The following NLRC3 variants were observed in gnomAD, a reference collection of about 807,000 sequenced individuals.
NLRC3 encodes NLR family CARD domain containing 3, also known as NLR family CARD domain-containing protein 3.
Under a neutral mutation model 91.6 loss-of-function variants are expected in NLRC3, and 87 were observed. The observed-to-expected ratio is 0.95, with a 90% CI of 0.80 to 1.14. The LOEUF is 1.14. Among genes scored for constraint, NLRC3 ranks in the 50% most tolerant of loss-of-function variants. The pLI is 0.00. For missense variants in NLRC3, 1,577 were observed against 1,418.6 expected (o/e 1.11, Z -1.79); for synonymous variants, 694 against 625.3 (o/e 1.11, Z -1.64).
Position 3,564,021 on chromosome 16 carries a change from G to C in NLRC3, c.916C>G (p.Gln306Glu), listed in dbSNP as rs779068100. ...VCLEQMFPED[Q>E]ALLGWMLSQV... Reference sequence around the variant, plus strand: ...CTCAGCATCCAGCCCAGAAGGGCCTGGTCCTCGGGGAACATCTGCTCCAAA... The same window carrying C: ...CTCAGCATCCAGCCCAGAAGGGCCTCGTCCTCGGGGAACATCTGCTCCAAA... The change falls in exon 5 of 20, where the codon CAG becomes GAG. Residue 306 changes from glutamine (Q) to glutamate (E), a missense_variant. Transcript: ENST00000359128. The surrounding 1 kb of genome is among the most constrained non-coding windows in gnomAD (Gnocchi z 5.9). The C allele has an allele frequency of 1.2e-6, 2 of 1,610,380 alleles. No homozygotes were observed. The highest frequency in any genetic ancestry group is 2.2e-5 in the South Asian group (2 of 91,088).
At position 3,541,673 on chromosome 16, in the gene NLRC3, C is replaced by T. The variant is rs1004915881; in HGVS notation, c.*152G>A. 10 of 622,846 alleles carry T rather than the reference C, an allele frequency of 1.6e-5. No individual in the cohort carries two copies. The highest frequency in any genetic ancestry group is 5.5e-5 in the African/African-American group (3 of 54,488). The allele number at this position is 622,846 out of a possible 1,614,324, so 38.6% of individuals were successfully genotyped here. A position where few individuals can be genotyped will look rare whatever the true frequency, so the allele number is the denominator to read the frequency against. On this transcript the variant is annotated 3_prime_UTR_variant, in exon 20 of 20. Coordinates refer to ENST00000359128, the MANE Select transcript of NLRC3 (RefSeq NM_178844.4). Reference sequence around the variant, plus strand: ...CAGAAGAGGAGCTCACGACCTCCTCCGGCAGCACCTCTCCTTCCTCCCTGC... The same window carrying T: ...CAGAAGAGGAGCTCACGACCTCCTCTGGCAGCACCTCTCCTTCCTCCCTGC...
chr16:3,547,822 C>T lies in NLRC3; in HGVS notation c.2771+313G>A, dbSNP rs561143932. On this transcript the variant is annotated intron_variant, in intron 15 of 19. Transcript: ENST00000359128. ...TAGCTGGGATTACAGGCATGTGCCA[C>T]CATGCCCGGCTAATTTTTGTATTTA... Among the ~76,000 whole-genome samples, 3 of 152,214 alleles carry T rather than the reference C, an allele frequency of 2.0e-5. No homozygotes were observed. The East Asian group carries it at 5.8e-4, about 29-fold the overall frequency.
At chr16:3,546,006 G>C (rs1037673740) in intron 15 of NLRC3, among the ~76,000 whole-genome samples, 6 of 152,166 alleles carry the variant, frequency 3.9e-5, no homozygotes, top group Non-Finnish European at 7.4e-5. Context: ...GAGGTGAGTG[G>C]TGCCGATGGC....
intron 6 of NLRC3, among the ~76,000 whole-genome samples, chr16:3,558,206 G>A (rs2039440947): frequency 6.6e-6 from 1 of 152,050 alleles, no homozygotes; most frequent in South Asian, 2.1e-4. Context: ...GTCAGGTGGC[G>A]CACCTGTAGT....
chr16:3,562,850 C>T lies in NLRC3; in HGVS notation c.1928+159G>A, dbSNP rs151315590. 9.5e-5 allele frequency: 71 copies of T among 750,644 alleles called. 1 individual carries two copies. The Middle Eastern group carries it at 1.4e-3, about 14-fold the overall frequency. 46.5% of individuals were successfully genotyped at this position (750,644 alleles called of 1,614,324 possible). ...TTGAGACTTCTGGCCTCCAGAACTG[C>T]GAGAAAACACACTTTAGTTGTTTTA... On this transcript the variant is annotated intron_variant, in intron 5 of 19. Transcript: ENST00000359128.
intron 1 of NLRC3, among the ~76,000 whole-genome samples, chr16:3,576,195 C>G (rs1334704823): frequency 6.6e-6 from 1 of 152,198 alleles, no homozygotes; most frequent in Non-Finnish European, 1.5e-5. Context: ...AACACCAGGG[C>G]CTCTGGAGCC....
chr16:3,548,217 G>A lies in NLRC3; in HGVS notation c.2689C>T (p.Leu897=), dbSNP rs2038800380. The change falls in exon 15 of 20, where the codon CTG becomes TTG. Residue 897 remains leucine, a splice_region_variant and synonymous_variant. Transcript: ENST00000359128. ...CCGGCCTGGATGAAGTTCCACTGCA[G>A]GCTGGGCAGACACAGACACATGTGA... ...RENRTLTSLH[L]QWNFIQAGAA... 1 of 1,589,284 alleles carries A rather than the reference G, an allele frequency of 6.3e-7. No individual in the cohort carries two copies. The highest frequency in any genetic ancestry group is 8.6e-7 in the Non-Finnish European group (1 of 1,167,954).
chr16:3,552,328 T>C (rs745557222), intron 9 of NLRC3, 49 bp from the exon 10 acceptor site: 1 of 1,365,384 alleles, frequency 7.3e-7, no homozygotes, highest in Non-Finnish European at 1.0e-6. Context: ...TCACAGCCAT[T>C]CCCAGGCCAA....
Position 3,544,189 on chromosome 16 carries a change from C to T in NLRC3, c.2855+57G>A, listed in dbSNP as rs1470606357. ...AAAAAAAAAAAAAAAAGACCTCTAA[C>T]GTGAAAGGATGGCGAAGGGACCGGT... On this transcript the variant is annotated intron_variant, in intron 16 of 19. Transcript: ENST00000359128. The T allele has an allele frequency of 2.6e-5, 26 of 997,634 alleles. No individual in the cohort carries two copies. In the East Asian group the frequency reaches 3.2e-4, roughly 12 times the overall value. 61.8% of individuals were successfully genotyped at this position (997,634 alleles called of 1,614,324 possible).
intron 1 of NLRC3, among the ~76,000 whole-genome samples, chr16:3,576,276 C>A (rs2040288302): frequency 6.6e-6 from 1 of 152,204 alleles, no homozygotes; most frequent in Non-Finnish European, 1.5e-5. Flanking sequence ...TCCGAGAAGG[C>A]CTCTGCGGTT....
intron 13 of NLRC3, among the ~76,000 whole-genome samples, 180 bp downstream of exon 13, chr16:3,548,962 G>C (rs1456047474): frequency 6.6e-6 from 1 of 152,212 alleles, no homozygotes; most frequent in East Asian, 1.9e-4. Context: ...TCACCCTCGT[G>C]CAGTTTACAC....
intron 1 of NLRC3, among the ~76,000 whole-genome samples, chr16:3,570,470 G>T (rs2040061094): frequency 6.6e-6 from 1 of 152,180 alleles, no homozygotes; most frequent in South Asian, 2.1e-4. Flanking sequence ...ACGGGTAAGG[G>T]ATAATGGCAA....
chr16:3,557,596 A>G lies in NLRC3; in HGVS notation c.2096T>C (p.Leu699Pro). ...GGCCTTGGTTGTCCTTACTTACTCC[A>G]GAGAGGTCAGACTTCTGTTGACCAA... ...SLLVNRSLTS[L>P]DLRGNSIGPQ... The change falls in exon 7 of 20, where the codon CTG (leucine) becomes CCG (proline). Residue 699 changes from leucine to proline, a missense_variant. Transcript: ENST00000359128. The G allele has an allele frequency of 1.9e-6, 3 of 1,608,952 alleles. No homozygotes were observed. Among genetic ancestry groups the G allele is most frequent in the Non-Finnish European group, 2.6e-6 (3 of 1,175,476 alleles).
intron 11 of NLRC3, 101 bp from the exon 12 acceptor site, chr16:3,549,881 T>C: frequency 1.3e-6 from 1 of 742,914 alleles, no homozygotes; most frequent in South Asian, 1.7e-5. Flanking sequence ...AACAGGGAGT[T>C]GGGGGCTCCA....
At chr16:3,543,940 A>T (rs1400221621) in intron 16 of NLRC3, 5 of 365,472 alleles carry the variant, frequency 1.4e-5, no homozygotes. Flanking sequence ...GATCACCTGA[A>T]GTCAGGAGTT....
At chr16:3,571,679 C>T (rs933630903) in intron 1 of NLRC3, among the ~76,000 whole-genome samples, 8 of 151,640 alleles carry the variant, frequency 5.3e-5, no homozygotes, top group African/African-American at 7.3e-5. Context: ...TGGTGGCTCA[C>T]GCCTGTAATC....
In NLRC3 at chr16:3,553,414, C is replaced by T. The variant is rs953669226; in HGVS notation, c.2267+828G>A. Among the ~76,000 whole-genome samples, 8 of 152,172 alleles carry T rather than the reference C, an allele frequency of 5.3e-5. No individual in the cohort carries two copies. The South Asian group carries it at 1.0e-3, about 20-fold the overall frequency. ...CTGGCTTGAAGCTCTAAAGTACCTG[C>T]GTGTCATAGAGATAAAAGCTTTACT... On this transcript the variant is annotated intron_variant, in intron 9 of 19. Transcript: ENST00000359128.
chr16:3,564,319 C>T lies in NLRC3; in HGVS notation c.618G>A (p.Leu206=). 1 of 1,611,708 alleles carries T rather than the reference C, an allele frequency of 6.2e-7. No homozygotes were observed. Among genetic ancestry groups the T allele is most frequent in the Non-Finnish European group, 8.5e-7 (1 of 1,179,630 alleles). The stretch of plus-strand genomic sequence containing the variant: ...GGGCCCTGGCTGGGACTGCCACCGC[C>T]AGGCTGGGCTCCCCGACGTGCGGGA... The part of the protein sequence containing the change: ...SVFPHVGEPS[L]AVAVPARALL... Residue 206 remains leucine (L), a synonymous_variant, in exon 5 of 20, where the codon CTG becomes CTA. Coordinates refer to ENST00000359128, the MANE Select transcript of NLRC3 (RefSeq NM_178844.4). The surrounding 1 kb of genome is among the most constrained non-coding windows in gnomAD (Gnocchi z 5.9).
chr16:3,554,953 G>C (rs888490839), intron 8 of NLRC3, among the ~76,000 whole-genome samples: 17 of 152,132 alleles, frequency 1.1e-4, no homozygotes, highest in Non-Finnish European at 1.8e-4. Context: ...GAAGAGGCTG[G>C]GTACAGTGGC....
Sources: gnomAD v4.1 joint callset for allele counts (sites outside exome capture counted in the v4.1 genomes callset) on GRCh38, gnomAD v4.1.1 for gene constraint, Gnocchi (gnomAD v3.1) non-coding constraint, MANE v1.5 for transcripts, NCBI Gene and HGNC (gene_info 2026-07-23, HGNC 2026-07-21) for gene names.